Variants in ASAH1 observed in about 807,000 individuals in gnomAD.
ASAH1 encodes the protein acid ceramidase.
ASAH1 carries 70 observed loss-of-function variants against 59.5 expected under a neutral mutation model. The ratio of observed to expected loss-of-function variants is 1.18; its 90% confidence interval spans 0.97 to 1.43. ASAH1 has a LOEUF of 1.43. Among genes scored for constraint, ASAH1 ranks in the 40% most tolerant of loss-of-function variants. The pLI is 0.00. For synonymous variants in ASAH1, 213 were observed against 166.5 expected (o/e 1.28, Z -2.15); for missense variants, 660 against 482.5 (o/e 1.37, Z -3.45).
intron 1 of ASAH1, among the ~76,000 whole-genome samples, chr8:18,077,069 A>T (rs532335158): frequency 6.6e-6 from 1 of 152,318 alleles, no homozygotes; most frequent in African/African-American, 2.4e-5. Context: ...TCAACTGTGA[A>T]CTCAAAGACT....
chr8:18,081,874 C>T (rs1334612060), intron 1 of ASAH1, among the ~76,000 whole-genome samples: 1 of 152,140 alleles, frequency 6.6e-6, no homozygotes, highest in Non-Finnish European at 1.5e-5. Flanking sequence ...AAAGGTCCTT[C>T]AGTGCATGGA....
intron 1 of ASAH1, among the ~76,000 whole-genome samples, chr8:18,081,350 C>G (rs1287871606): frequency 4.6e-5 from 7 of 152,160 alleles, no homozygotes; most frequent in Non-Finnish European, 8.8e-5. Context: ...CTGGACTAGT[C>G]TCCTCATATC....
chr8:18,072,136 C>T (rs1157238088), intron 2 of ASAH1, among the ~76,000 whole-genome samples: 3 of 152,278 alleles, frequency 2.0e-5, no homozygotes, highest in Non-Finnish European at 4.4e-5. Context: ...GCTATAGGAA[C>T]ATTATTTTCT....
At chr8:18,065,393 C>G (rs1169036544) in intron 5 of ASAH1, 1 of 152,000 alleles carries the variant, frequency 6.6e-6, no homozygotes, top group Non-Finnish European at 1.5e-5. Flanking sequence ...AAAGAAGCAG[C>G]ACACAAAACT....
At chr8:18,081,359 T>G (rs527882846) in intron 1 of ASAH1, among the ~76,000 whole-genome samples, 2 of 152,162 alleles carry the variant, frequency 1.3e-5, no homozygotes, top group Non-Finnish European at 1.5e-5. Context: ...TCTCCTCATA[T>G]CTACCCTTGC....
chr8:18,076,046 T>C (rs537858978), intron 1 of ASAH1: 7 of 222,926 alleles, frequency 3.1e-5, no homozygotes, highest in African/African-American at 7.0e-5. Context: ...CCATGGTAAC[T>C]TACCATCCCA....
At chr8:18,062,083 A>G in intron 8 of ASAH1, 196 bp downstream of exon 8, 1 of 708,672 alleles carries the variant, frequency 1.4e-6, no homozygotes, top group Non-Finnish European at 2.3e-6. Context: ...ATCCCAGAAG[A>G]GGCTCAGAAA....
chr8:18,067,100 T>TGCACCTGTGCTGTATATCTAAGACATACG, intron 5 of ASAH1, 120 bp downstream of exon 5: 1 of 548,496 alleles, frequency 1.8e-6, no homozygotes, highest in Non-Finnish European at 3.0e-6. Flanking sequence ...CTAAGACCTG[T>TGCACCTGTGCTGTATATCTAAGACATACG]GCACCTGTGC....
chr8:18,063,091 A>C, intron 7 of ASAH1, 94 bp downstream of exon 7: 2 of 1,198,212 alleles, frequency 1.7e-6, no homozygotes, highest in Non-Finnish European at 2.5e-6. Context: ...GCTGGTCTTG[A>C]ACTCCTGACC....
At position 18,057,618 on chromosome 8, in the gene ASAH1, G is replaced by T. The variant is rs372661447; in HGVS notation, c.1104C>A (p.Thr368=). ...TAACATCTATCAAGGTTGTGTATACGGTCAGCTGAAAGAAAAGTTATTTTT... is the reference window on the plus strand; with the variant it reads ...TAACATCTATCAAGGTTGTGTATACTGTCAGCTGAAAGAAAAGTTATTTTT... ...LSTKPVLNKL[T]VYTTLIDVTK... Residue 368 remains threonine, a synonymous_variant, in exon 14 of 14, where the codon ACC becomes ACA. Transcript: ENST00000637790. The T allele has an allele frequency of 7.5e-6, 12 of 1,598,590 alleles. No homozygotes were observed. In the African/African-American group the frequency reaches 8.1e-5, roughly 11 times the overall value.
intron 1 of ASAH1, chr8:18,075,824 C>G: frequency 1.8e-6 from 1 of 551,422 alleles, no homozygotes; most frequent in Non-Finnish European, 3.2e-6. Flanking sequence ...TATAATTTGG[C>G]TCTAATATTT....
At chr8:18,068,729 C>G (rs998154069) in intron 4 of ASAH1, 4 of 151,632 alleles carry the variant, frequency 2.6e-5, no homozygotes, top group African/African-American at 9.8e-5. Flanking sequence ...GCCGGGCATC[C>G]TGAGCTGCTA....
chr8:18,076,648 G>C (rs1357564916), intron 1 of ASAH1: 1 of 152,156 alleles, frequency 6.6e-6, no homozygotes. Flanking sequence ...GAGTAGGTAA[G>C]AAAACTCTTG....
intron 2 of ASAH1, chr8:18,073,143 A>G: frequency 9.8e-7 from 1 of 1,021,188 alleles, no homozygotes; most frequent in Non-Finnish European, 1.5e-6. Context: ...TATTTTAATG[A>G]CTAAAGCTTA....
At chr8:18,084,864 G>C, upstream of ASAH1, 3 of 1,595,286 alleles carry the variant, frequency 1.9e-6, no homozygotes, top group Non-Finnish European at 2.6e-6. Context: ...AGCTCAGCTT[G>C]GGAGGAGGCG....
rs201745544 is a variant in ASAH1 at position 18,074,986 on chromosome 8, G to A, written c.125+555C>T. On this transcript the variant is annotated intron_variant, in intron 2 of 13. Coordinates refer to ENST00000637790, the MANE Select transcript of ASAH1 (RefSeq NM_177924.5). ...ATGGTAGACAGGAGAATTGAGTGGA[G>A]AATGAAAATCCTTTCCTTTTTTTTT... Among the ~76,000 whole-genome samples, 3 of 151,736 alleles carry A rather than the reference G, an allele frequency of 2.0e-5. No individual in the cohort carries two copies. In the South Asian group the frequency reaches 6.3e-4, roughly 32 times the overall value.
At chr8:18,061,547 G>C in intron 9 of ASAH1, 89 bp from the exon 10 acceptor site, 1 of 1,441,348 alleles carries the variant, frequency 6.9e-7, no homozygotes, top group Non-Finnish European at 9.8e-7. Context: ...TATATAACCA[G>C]TCAGGAACCA....
chr8:18,062,917 C>T (rs893426353), intron 7 of ASAH1: 37 of 373,776 alleles, frequency 9.9e-5, no homozygotes, highest in East Asian at 6.4e-4. Context: ...GTATCCCAAG[C>T]TGCAGTGCAG....
chr8:18,084,920 C>G (rs1800836421), upstream of ASAH1: 1 of 1,436,038 alleles, frequency 7.0e-7, no homozygotes, highest in South Asian at 1.2e-5. Flanking sequence ...TTCGTGCCAT[C>G]CGTGGACACA....
Sources: gnomAD v4.1 joint callset for allele counts (sites outside exome capture counted in the v4.1 genomes callset) on GRCh38, gnomAD v4.1.1 for gene constraint, MANE v1.5 for transcripts, NCBI Gene and HGNC (gene_info 2026-07-23, HGNC 2026-07-21) for gene names.